STIM2: variants seen among roughly 807,000 people sequenced by gnomAD.
STIM2 encodes stromal interaction molecule 2.
Under a neutral mutation model 85.8 loss-of-function variants are expected in STIM2, and 31 were observed. The ratio of observed to expected loss-of-function variants is 0.36; its 90% CI spans 0.27 to 0.49. STIM2 has a LOEUF of 0.49. Ranked by LOEUF, STIM2 falls within the 20% of genes least tolerant of loss-of-function variation. The pLI is 0.98. For missense variants in STIM2, 841 were observed against 927.6 expected (o/e 0.91, Z 1.21); for synonymous variants, 356 against 331.1 (o/e 1.08, Z -0.82).
chr4:26,903,511 A>G (rs1724004712), intron 1 of STIM2, among the ~76,000 whole-genome samples: 1 of 152,106 alleles, frequency 6.6e-6, no homozygotes, highest in Admixed American at 6.5e-5. Flanking sequence ...TTGTTTCTTA[A>G]TGGCATTTAT....
chr4:26,861,695 A>ATT (rs57976994), intron 1 of STIM2: 9,305 of 123,872 alleles, frequency 0.075, 447 homozygotes, highest in East Asian at 0.17. Flanking sequence ...GACTGGGCTG[A>ATT]TTTTTTTTTT....
At chr4:26,957,967 A>G (rs1284956808) in intron 3 of STIM2, among the ~76,000 whole-genome samples, 2 of 152,186 alleles carry the variant, frequency 1.3e-5, no homozygotes, top group Non-Finnish European at 2.9e-5. Flanking sequence ...AAGATAATGC[A>G]TGTCTGAGAG....
intron 1 of STIM2, among the ~76,000 whole-genome samples, chr4:26,867,464 G>T (rs929566195): frequency 7.9e-5 from 12 of 152,262 alleles, no homozygotes; most frequent in African/African-American, 2.9e-4. Flanking sequence ...GATATCCAAA[G>T]ACAATATATT....
chr4:26,866,405 G>A (rs919119934), intron 1 of STIM2, among the ~76,000 whole-genome samples: 1 of 152,138 alleles, frequency 6.6e-6, no homozygotes, highest in African/African-American at 2.4e-5. Context: ...ATTGTGATTA[G>A]CACCACAAGG....
chr4:26,922,140 T>C (rs1470253210), intron 2 of STIM2, among the ~76,000 whole-genome samples: 1 of 152,152 alleles, frequency 6.6e-6, no homozygotes, highest in Non-Finnish European at 1.5e-5. Flanking sequence ...TTGTCATTTA[T>C]TGTGGGCCGT....
At chr4:26,982,791 A>C (rs1010066194) in intron 3 of STIM2, among the ~76,000 whole-genome samples, 1 of 152,178 alleles carries the variant, frequency 6.6e-6, no homozygotes, top group Non-Finnish European at 1.5e-5. Context: ...TTTTATACTG[A>C]AAATCATGAA....
chr4:27,016,438 T>C (rs1343130394), intron 10 of STIM2, among the ~76,000 whole-genome samples: 2 of 152,184 alleles, frequency 1.3e-5, no homozygotes, highest in Non-Finnish European at 2.9e-5. Context: ...AAAATGCCTT[T>C]CTTTGCTTCT....
chr4:26,982,006 T>A (rs1727416438), intron 3 of STIM2, among the ~76,000 whole-genome samples: 1 of 152,150 alleles, frequency 6.6e-6, no homozygotes, highest in Non-Finnish European at 1.5e-5. Context: ...TGAAGACTAT[T>A]TAAAATCACA....
chr4:26,865,356 A>C (rs1247261541), intron 1 of STIM2, among the ~76,000 whole-genome samples: 1 of 152,170 alleles, frequency 6.6e-6, no homozygotes, highest in Non-Finnish European at 1.5e-5. Context: ...TCTGTTGGGA[A>C]TCTCATAGAA....
At chr4:27,021,537 G>A (rs918094028) in intron 11 of STIM2, 5 of 456,672 alleles carry the variant, frequency 1.1e-5, no homozygotes, top group Non-Finnish European at 2.2e-5. Context: ...GGGACCACAT[G>A]TACACGGCCT....
At chr4:27,009,335 G>T (rs1728485060) in intron 10 of STIM2, among the ~76,000 whole-genome samples, 1 of 151,924 alleles carries the variant, frequency 6.6e-6, no homozygotes, top group South Asian at 2.1e-4. Context: ...TTAAAACATT[G>T]CTTGTAATTA....
intron 1 of STIM2, among the ~76,000 whole-genome samples, chr4:26,885,846 T>C (rs1346548053): frequency 2.5e-5 from 1 of 40,476 alleles, no homozygotes; most frequent in African/African-American, 1.2e-4. Context: ...TATATATATA[T>C]ATATATATAT....
chr4:26,972,208 C>T (rs564601082), intron 3 of STIM2, among the ~76,000 whole-genome samples: 87 of 152,120 alleles, frequency 5.7e-4, no homozygotes, highest in Middle Eastern at 3.4e-3. Flanking sequence ...TGACTTCCTC[C>T]TTTCCTAATT....
chr4:27,011,725 C>G (rs1351759790), intron 10 of STIM2, among the ~76,000 whole-genome samples: 2 of 152,002 alleles, frequency 1.3e-5, no homozygotes, highest in African/African-American at 4.8e-5. Flanking sequence ...GTACCATTTC[C>G]TTTATTGGCA....
chr4:26,978,735 G>T (rs1727284468), intron 3 of STIM2, among the ~76,000 whole-genome samples: 2 of 152,120 alleles, frequency 1.3e-5, no homozygotes, highest in Non-Finnish European at 2.9e-5. Flanking sequence ...GGGTGATTTG[G>T]AGTCTTGTCT....
Position 27,017,514 on chromosome 4 carries a change from GT to G in STIM2, c.1490-187del, listed in dbSNP as rs761485457. On this transcript the variant is annotated intron_variant, in intron 10 of 11. Coordinates refer to ENST00000467087, the MANE Select transcript of STIM2 (RefSeq NM_020860.4). ...TCACTTCTGTTTGTTTTTTAAACCT[GT>G]TTTTTTTTTGTTTCTATTTCTTAAC... Among the ~76,000 whole-genome samples, 37 of 147,450 alleles carry G rather than the reference GT, an allele frequency of 2.5e-4. No individual in the cohort carries two copies. In the East Asian group the frequency reaches 3.2e-3, roughly 13 times the overall value.
rs1199549249 is a variant in STIM2 at position 26,968,550 on chromosome 4, C to T, written c.397+10824C>T. Among the ~76,000 whole-genome samples the T allele has an allele frequency of 2.6e-5, 4 of 152,042 alleles. No homozygotes were observed. In the South Asian group the frequency reaches 6.2e-4, roughly 24 times the overall value. The stretch of plus-strand genomic sequence containing the variant: ...AGAACAGGGAGTTGTTGAATGGATA[C>T]AGAATTTCAGTTTTGTGTAATAAGA... On this transcript the variant is annotated intron_variant, in intron 3 of 11. Transcript: ENST00000467087.
chr4:26,962,442 G>T (rs1353227133), intron 3 of STIM2, among the ~76,000 whole-genome samples: 2 of 152,126 alleles, frequency 1.3e-5, no homozygotes, highest in African/African-American at 4.8e-5. Context: ...TGCAAACTCT[G>T]GACAGTGAAA....
intron 10 of STIM2, among the ~76,000 whole-genome samples, 170 bp from the exon 11 acceptor site, chr4:27,017,541 T>G (rs1231712643): frequency 6.6e-6 from 1 of 152,154 alleles, no homozygotes; most frequent in Non-Finnish European, 1.5e-5. Flanking sequence ...ATTTCTTAAC[T>G]TTCCTAGTGT....
Sources: allele counts gnomAD v4.1 joint callset (sites outside exome capture counted in the v4.1 genomes callset), GRCh38; gene constraint gnomAD v4.1.1; transcripts MANE v1.5; gene names NCBI Gene and HGNC (gene_info 2026-07-23, HGNC 2026-07-21).